The following RPL31 variants were observed in gnomAD, a reference collection of about 807,000 sequenced individuals.
The protein encoded by RPL31 is large ribosomal subunit protein eL31.
For missense variants in RPL31, 95 were observed against 164.0 expected (o/e 0.58, Z 2.30); for synonymous variants, 51 against 55.0 (o/e 0.93, Z 0.32).
chr2:101,018,967 T>C lies in RPL31; in HGVS notation c.347-31T>C, dbSNP rs768154609. 6.8e-6 allele frequency: 11 copies of C among 1,607,882 alleles called. No individual in the cohort carries two copies. The South Asian group carries it at 7.8e-5, about 11-fold the overall frequency. ...TTCGTCTGTGTGTTACCTGACATGG[T>C]ACCAAATCATCTGTAATATTTCTGT... On this transcript the variant is annotated intron_variant, in intron 4 of 4. Coordinates refer to the RPL31 transcript ENST00000409028.
chr2:101,006,276 T>C (rs1678731615), intron 4 of RPL31, 74 bp from the exon 5 acceptor site: 5 of 1,576,782 alleles, frequency 3.2e-6, no homozygotes, highest in Non-Finnish European at 4.3e-6. Context: ...CCCAGACCCG[T>C]CTACAAAAGG....
intron 4 of RPL31, among the ~76,000 whole-genome samples, chr2:101,012,522 A>G (rs778793559): frequency 2.0e-5 from 3 of 152,174 alleles, no homozygotes; most frequent in Admixed American, 6.5e-5. Flanking sequence ...GGCTGGGGAA[A>G]ATGGATACAC....
chr2:101,016,421 A>G (rs912908074), intron 4 of RPL31, among the ~76,000 whole-genome samples: 2 of 152,072 alleles, frequency 1.3e-5, no homozygotes, highest in Non-Finnish European at 2.9e-5. Flanking sequence ...AAGTCAGGAA[A>G]CAACAGGTGC....
rs755412460 is a variant in RPL31, at chr2:101,006,358, A to T, written c.355A>T (p.Thr119Ser). The T allele has an allele frequency of 2.5e-6, 4 of 1,610,472 alleles. No individual in the cohort carries two copies. The highest frequency in any genetic ancestry group is 1.1e-5 in the South Asian group (1 of 90,086). ...TGTTACTTCCTTTACAGATCTACAG[A>T]CAGTCAATGTGGATGAGAACTAATC... The part of the protein sequence containing the change: ...VPVTTFKNLQ[T>S]VNVDEN The change falls in exon 5 of 5, where the codon ACA becomes TCA. Residue 119 changes from threonine (T) to serine (S), a missense_variant. Physicochemically the swap from Thr to Ser is moderately conservative, Grantham distance 58. Coordinates refer to ENST00000264258, the MANE Select transcript of RPL31 (RefSeq NM_000993.5).
chr2:101,016,516 C>T (rs1330458088), intron 4 of RPL31, among the ~76,000 whole-genome samples: 5 of 152,108 alleles, frequency 3.3e-5, no homozygotes, highest in African/African-American at 4.8e-5. Context: ...GTCAGTGTGG[C>T]GATTCCTCAG....
intron 4 of RPL31, chr2:101,018,403 T>A (rs989759241): frequency 6.4e-6 from 1 of 157,154 alleles, no homozygotes; most frequent in Non-Finnish European, 1.4e-5. Context: ...CAACTGCAAA[T>A]TGGAATTATT....
At chr2:101,015,178 C>A (rs1044164861) in intron 4 of RPL31, among the ~76,000 whole-genome samples, 1 of 151,990 alleles carries the variant, frequency 6.6e-6, no homozygotes, top group African/African-American at 2.4e-5. Flanking sequence ...AGCTGGAACA[C>A]AATGGTAGCT....
downstream of RPL31, among the ~76,000 whole-genome samples, chr2:101,009,630 G>C (rs1349767528): frequency 2.0e-5 from 3 of 151,912 alleles, no homozygotes; most frequent in Non-Finnish European, 4.4e-5. Context: ...CCAGAGAGTA[G>C]AATGAGCATC....
chr2:101,008,246 G>T, downstream of RPL31: 1 of 1,559,532 alleles, frequency 6.4e-7, no homozygotes. Flanking sequence ...ATACTGTACA[G>T]AGTTTTACAG....
chr2:101,006,279 A>G (rs1678731857), intron 4 of RPL31, 71 bp from the exon 5 acceptor site: 1 of 1,580,538 alleles, frequency 6.3e-7, no homozygotes. Context: ...AGACCCGTCT[A>G]CAAAAGGTTT....
chr2:101,012,110 C>T (rs555291337), downstream of RPL31, among the ~76,000 whole-genome samples: 10 of 152,208 alleles, frequency 6.6e-5, no homozygotes, highest in South Asian at 8.3e-4. Flanking sequence ...CATATATTGA[C>T]GATGGGAATA....
downstream of RPL31, chr2:101,011,121 G>T (rs1473637547): frequency 1.0e-5 from 12 of 1,180,068 alleles, no homozygotes; most frequent in Admixed American, 4.1e-5. Context: ...AGGGGGTGAG[G>T]AATTCCACTA....
downstream of RPL31, chr2:101,008,391 TAAGAA>T (rs1437237084): frequency 2.5e-6 from 2 of 801,274 alleles, no homozygotes; most frequent in African/African-American, 3.5e-5. Context: ...ACACAGAATA[TAAGAA>T]AAGGTAGTCT....
In RPL31 at chr2:101,006,395, G is replaced by A; in HGVS notation, c.*14G>A. The A allele has an allele frequency of 6.2e-7, 1 of 1,608,192 alleles. No homozygotes were observed. Among genetic ancestry groups the A allele is most frequent in the Non-Finnish European group, 8.5e-7 (1 of 1,178,450 alleles). On this transcript the variant is annotated 3_prime_UTR_variant, in exon 5 of 5. Coordinates refer to ENST00000264258, the MANE Select transcript of RPL31 (RefSeq NM_000993.5). ...GATGAGAACTAATCGCTGATCGTCA[G>A]ATCAAATAAAGTTATAAAATTGCCT... is the stretch of plus-strand genomic sequence containing the variant.
At chr2:101,004,634 C>T (rs1208874521) in intron 3 of RPL31, 1 of 297,420 alleles carries the variant, frequency 3.4e-6, no homozygotes, top group African/African-American at 2.2e-5. Flanking sequence ...CTCTAGACAT[C>T]ATGGCAAGTC....
intron 4 of RPL31, among the ~76,000 whole-genome samples, chr2:101,014,271 G>T (rs1679451081): frequency 6.6e-6 from 1 of 151,822 alleles, no homozygotes; most frequent in Admixed American, 6.6e-5. Flanking sequence ...TTTTAACTCA[G>T]GATCCCAATC....
At chr2:101,017,250 C>T (rs1679720684) in intron 4 of RPL31, among the ~76,000 whole-genome samples, 1 of 151,966 alleles carries the variant, frequency 6.6e-6, no homozygotes, top group Non-Finnish European at 1.5e-5. Flanking sequence ...GAAGGACCTG[C>T]CTGAGGCTGT....
In RPL31 at chr2:101,006,569, CTAGTTT is replaced by C. The variant is rs1042301088; in HGVS notation, c.*192_*197del. On this transcript the variant is annotated 3_prime_UTR_variant, in exon 5 of 5. Coordinates refer to ENST00000264258, the MANE Select transcript of RPL31 (RefSeq NM_000993.5). Reference sequence around the variant, plus strand: ...TTTTAAAGTGATTTCAAACTGCAACCTAGTTTTAGAACCACTGTTCTGGGTAGTTGG... The same window carrying C: ...TTTTAAAGTGATTTCAAACTGCAACCTAGAACCACTGTTCTGGGTAGTTGG... 18 of 544,946 alleles carry C rather than the reference CTAGTTT, an allele frequency of 3.3e-5. No individual in the cohort carries two copies. Among genetic ancestry groups the C allele is most frequent in the Non-Finnish European group, 5.3e-5 (17 of 318,352 alleles). The allele number at this position is 544,946 out of a possible 1,614,324, so 33.8% of individuals were successfully genotyped here.
At chr2:101,012,665 G>A (rs1679313348) in intron 4 of RPL31, among the ~76,000 whole-genome samples, 1 of 152,018 alleles carries the variant, frequency 6.6e-6, no homozygotes, top group African/African-American at 2.4e-5. Context: ...CTTTAAACGG[G>A]TGACTTGCAT....
Sources: gnomAD v4.1 joint callset for allele counts (sites outside exome capture counted in the v4.1 genomes callset) on GRCh38, gnomAD v4.1.1 for gene constraint, MANE v1.5 for transcripts, NCBI Gene and HGNC (gene_info 2026-07-23, HGNC 2026-07-21) for gene names.